Variants in OR9Q1 observed in about 807,000 individuals in gnomAD.
The protein encoded by OR9Q1 is olfactory receptor family 9 subfamily Q member 1, also known as olfactory receptor 9Q1.
For missense variants in OR9Q1, 374 were observed against 378.8 expected (o/e 0.99, Z 0.11); for synonymous variants, 153 against 148.6 (o/e 1.03, Z -0.22).
intron 1 of OR9Q1, among the ~76,000 whole-genome samples, chr11:58,039,297 A>ATCTTCT (rs1297523776): frequency 6.6e-6 from 1 of 152,200 alleles, no homozygotes; most frequent in African/African-American, 2.4e-5. Context: ...CCTAAATGGA[A>ATCTTCT]TCTTCTTCAT....
At chr11:58,140,057 T>C (rs1199795210) in intron 2 of OR9Q1, among the ~76,000 whole-genome samples, 1 of 152,212 alleles carries the variant, frequency 6.6e-6, no homozygotes, top group East Asian at 1.9e-4. Context: ...CATTTTTTCA[T>C]GTGTCTTTTG....
chr11:58,048,679 A>AAAAAAATATATATAT, intron 1 of OR9Q1, among the ~76,000 whole-genome samples: 1 of 131,432 alleles, frequency 7.6e-6, no homozygotes, highest in East Asian at 2.6e-4. Context: ...TAAAAAAAAA[A>AAAAAAATATATATAT]ATATATATAT....
chr11:58,059,879 G>C (rs1853363607), intron 2 of OR9Q1: 1 of 152,012 alleles, frequency 6.6e-6, no homozygotes, highest in African/African-American at 2.4e-5. Flanking sequence ...TTAAATGATA[G>C]GTTACATTAC....
intron 1 of OR9Q1, among the ~76,000 whole-genome samples, chr11:58,043,029 G>C (rs564164045): frequency 3.0e-4 from 46 of 152,268 alleles, no homozygotes; most frequent in Non-Finnish European, 5.4e-4. Flanking sequence ...TTGCTTATCA[G>C]CTTAAGGAGA....
intron 1 of OR9Q1, among the ~76,000 whole-genome samples, chr11:58,027,468 A>G (rs1040987970): frequency 6.6e-6 from 1 of 152,210 alleles, no homozygotes; most frequent in Non-Finnish European, 1.5e-5. Context: ...CGTTTTAAAG[A>G]GTTGCAAAAA....
intron 2 of OR9Q1, among the ~76,000 whole-genome samples, chr11:58,082,280 A>G (rs1188742358): frequency 6.6e-6 from 1 of 151,644 alleles, no homozygotes; most frequent in Non-Finnish European, 1.5e-5. Context: ...CCAAAGGACT[A>G]TAAGACACAT....
intron 2 of OR9Q1, among the ~76,000 whole-genome samples, chr11:58,156,320 GGAA>G (rs1301686830): frequency 2.0e-5 from 3 of 152,134 alleles, no homozygotes; most frequent in African/African-American, 7.2e-5. Flanking sequence ...CTGTATAGAA[GGAA>G]GAAGACTGCC....
rs115322908 is a variant in OR9Q1 at position 58,035,529 on chromosome 11, T to G, written c.-93+11425T>G. 3.7e-3 allele frequency among the ~76,000 whole-genome samples: 569 copies of G among 152,310 alleles called. 3 individuals carry two copies. The highest frequency in any genetic ancestry group is 0.013 in the African/African-American group (552 of 41,576). On this transcript the variant is annotated intron_variant, in intron 1 of 2. Transcript: ENST00000335397. The stretch of plus-strand genomic sequence containing the variant: ...TTTCTTTACATGTAGGTAGATGCAC[T>G]TAAAAAGACATTTATAATAATCATT...
At chr11:58,118,420 T>G in intron 2 of OR9Q1, 1 of 889,842 alleles carries the variant, frequency 1.1e-6, no homozygotes, top group Non-Finnish European at 1.7e-6. Flanking sequence ...GGGTATAGGT[T>G]GCATATAGTA....
intron 2 of OR9Q1, among the ~76,000 whole-genome samples, chr11:58,149,968 C>T (rs1854334220): frequency 6.6e-6 from 1 of 152,118 alleles, no homozygotes; most frequent in Non-Finnish European, 1.5e-5. Flanking sequence ...TATTCTTTTG[C>T]ATAGTGTATA....
At chr11:58,129,199 C>G (rs769380406) in intron 2 of OR9Q1, among the ~76,000 whole-genome samples, 1 of 151,212 alleles carries the variant, frequency 6.6e-6, no homozygotes, top group African/African-American at 2.4e-5. Flanking sequence ...CCACAACGTC[C>G]GATTAAACCA....
intron 2 of OR9Q1, among the ~76,000 whole-genome samples, chr11:58,133,888 T>C (rs1210672754): frequency 1.3e-5 from 2 of 150,458 alleles, no homozygotes; most frequent in Admixed American, 6.8e-5. Flanking sequence ...TGTTCAGTTC[T>C]CATAGGTGTA....
intron 2 of OR9Q1, among the ~76,000 whole-genome samples, chr11:58,164,512 G>C (rs1854483777): frequency 6.6e-6 from 1 of 152,164 alleles, no homozygotes; most frequent in Admixed American, 6.5e-5. Context: ...AGGAGGTAAA[G>C]AGATTCTTCA....
intron 2 of OR9Q1, among the ~76,000 whole-genome samples, chr11:58,104,279 G>T (rs763929648): frequency 8.6e-5 from 13 of 151,220 alleles, no homozygotes; most frequent in Middle Eastern, 3.4e-3. Flanking sequence ...AGAAAGAAAA[G>T]AAAGAAGCCC....
At chr11:58,084,173 C>T (rs1388529925) in intron 2 of OR9Q1, among the ~76,000 whole-genome samples, 2 of 151,866 alleles carry the variant, frequency 1.3e-5, no homozygotes, top group South Asian at 2.1e-4. Flanking sequence ...AGCTCTTTCA[C>T]CTCCTTTATT....
chr11:58,106,220 T>C (rs1853839018), intron 2 of OR9Q1, among the ~76,000 whole-genome samples: 1 of 151,970 alleles, frequency 6.6e-6, no homozygotes, highest in East Asian at 1.9e-4. Context: ...CATTGTAGTT[T>C]TGATTTGCAT....
At chr11:58,069,823 T>G (rs1387838925) in intron 2 of OR9Q1, among the ~76,000 whole-genome samples, 1 of 151,666 alleles carries the variant, frequency 6.6e-6, no homozygotes, top group African/African-American at 2.4e-5. Flanking sequence ...TGAGTCAAGA[T>G]GGCTCCACTG....
At chr11:58,031,811 C>G in intron 1 of OR9Q1, 1 of 1,614,058 alleles carries the variant, frequency 6.2e-7, no homozygotes, top group Non-Finnish European at 8.5e-7. Context: ...TGTTGTCACG[C>G]CCATGCTCAA....
chr11:58,084,970 G>T (rs1853620914), intron 2 of OR9Q1, among the ~76,000 whole-genome samples: 1 of 151,786 alleles, frequency 6.6e-6, no homozygotes, highest in Non-Finnish European at 1.5e-5. Context: ...AGAGGTAAAA[G>T]GCATCCAAAC....
Sources: allele counts gnomAD v4.1 joint callset (sites outside exome capture counted in the v4.1 genomes callset), GRCh38; gene constraint gnomAD v4.1.1; transcripts MANE v1.5; gene names NCBI Gene and HGNC (gene_info 2026-07-23, HGNC 2026-07-21).